Variants in COL4A2 observed in about 807,000 individuals in gnomAD.
COL4A2 encodes the protein collagen alpha-2(IV) chain.
Under a neutral mutation model 200.2 loss-of-function variants are expected in COL4A2, and 99 were observed. The ratio of observed to expected loss-of-function variants is 0.49; its 90% confidence interval spans 0.42 to 0.58. The LOEUF (loss-of-function observed/expected upper bound fraction) is 0.58, where lower values mean the gene tolerates loss of function less well. COL4A2 is among the 20% of genes least tolerant of loss of function. COL4A2 has a pLI of 0.00. For missense variants in COL4A2, 1,950 were observed against 2,314.1 expected (o/e 0.84, Z 3.23); for synonymous variants, 897 against 900.6 (o/e 1.00, Z 0.07).
At chr13:110,375,202 C>T (rs1200977676) in intron 4 of COL4A2, among the ~76,000 whole-genome samples, 2 of 152,196 alleles carry the variant, frequency 1.3e-5, no homozygotes, top group Non-Finnish European at 2.9e-5. Context: ...GCCCTTACAC[C>T]TCTGTCCCAG....
chr13:110,428,846 C>T (rs932891427), intron 7 of COL4A2, among the ~76,000 whole-genome samples: 1 of 152,176 alleles, frequency 6.6e-6, no homozygotes, highest in Admixed American at 6.5e-5. Context: ...AATTCTCATG[C>T]GTAATAGTGG....
chr13:110,469,104 G>C, intron 27 of COL4A2, 113 bp from the exon 28 acceptor site: 2 of 1,219,734 alleles, frequency 1.6e-6, no homozygotes, highest in Non-Finnish European at 2.3e-6. Flanking sequence ...ATTCCCCCCA[G>C]CCTCATCATT....
chr13:110,503,030 T>TGTCGCCTGAATGGGTGACGG, intron 41 of COL4A2, 91 bp from the exon 42 acceptor site: 1 of 1,203,978 alleles, frequency 8.3e-7, no homozygotes. Context: ...TGCCAGAGAC[T>TGTCGCCTGAATGGGTGACGG]GTCGCCTGAA....
At chr13:110,467,742 G>A (rs9521792) in intron 27 of COL4A2, among the ~76,000 whole-genome samples, 89,015 of 152,084 alleles carry the variant, frequency 0.59, 26,828 homozygotes, top group Middle Eastern at 0.74. Flanking sequence ...CCGTGGGCCT[G>A]TGAGCATCGG....
At chr13:110,482,448 C>T (rs987899598) in intron 31 of COL4A2, 68 bp from the exon 32 acceptor site, 179 of 1,508,594 alleles carry the variant, frequency 1.2e-4, no homozygotes, top group Non-Finnish European at 4.1e-5. Context: ...GTTACGGAGA[C>T]GTGAGACTGA....
At chr13:110,465,631 C>G in intron 25 of COL4A2, 25 bp downstream of exon 25, 1 of 1,573,062 alleles carries the variant, frequency 6.4e-7, no homozygotes, top group Non-Finnish European at 8.7e-7. Flanking sequence ...TCCCTTTTAC[C>G]TTTCACAGTC....
intron 20 of COL4A2, among the ~76,000 whole-genome samples, chr13:110,455,960 A>G (rs1881716567): frequency 6.6e-6 from 1 of 152,074 alleles, no homozygotes; most frequent in Non-Finnish European, 1.5e-5. Context: ...TGGCCCTATT[A>G]TTTAACAGTG....
intron 3 of COL4A2, among the ~76,000 whole-genome samples, chr13:110,329,703 G>T (rs932564936): frequency 1.3e-5 from 2 of 152,052 alleles, no homozygotes; most frequent in Admixed American, 1.3e-4. Flanking sequence ...TACTCAAAGG[G>T]TTTGTCCCAA....
chr13:110,389,409 C>T (rs769409879), intron 4 of COL4A2, among the ~76,000 whole-genome samples: 2 of 152,140 alleles, frequency 1.3e-5, no homozygotes, highest in Admixed American at 6.5e-5. Flanking sequence ...TAGAAGTGTG[C>T]GTGTGCGAGA....
intron 3 of COL4A2, among the ~76,000 whole-genome samples, chr13:110,353,275 G>T (rs768599680): frequency 6.6e-6 from 1 of 152,196 alleles, no homozygotes; most frequent in South Asian, 2.1e-4. Flanking sequence ...CTTCATGAAG[G>T]GGGTGAGCAG....
Position 110,424,851 on chromosome 13 carries a change from G to T in COL4A2, c.298G>T (p.Gly100Ter), listed in dbSNP as rs1251400296. 9 of 1,614,144 alleles carry T rather than the reference G, an allele frequency of 5.6e-6. No homozygotes were observed. The highest frequency in any genetic ancestry group is 6.8e-6 in the Non-Finnish European group (8 of 1,180,012). ...TGAAAGGGGAGCCCCCGGAGTAACGGGACCCAAGGGCGACGTGGTACGCAC... is the reference window on the plus strand; with the variant it reads ...TGAAAGGGGAGCCCCCGGAGTAACGTGACCCAAGGGCGACGTGGTACGCAC... Reference protein sequence around the residue: ...KGERGAPGVTGPKGDVGARGV... With the variant: ...KGERGAPGVT The change falls in exon 5 of 48, where the codon GGA becomes TGA. Residue 100 changes from glycine (G) to a stop codon, truncating the protein, a stop_gained. Coordinates refer to ENST00000360467, the MANE Select transcript of COL4A2 (RefSeq NM_001846.4). LOFTEE classifies it high-confidence loss of function.
At chr13:110,493,454 G>A (rs1000947608) in intron 39 of COL4A2, among the ~76,000 whole-genome samples, 172 bp downstream of exon 39, 1 of 152,218 alleles carries the variant, frequency 6.6e-6, no homozygotes, top group Non-Finnish European at 1.5e-5. Context: ...CTGTGGTCCT[G>A]TACGCTGCTA....
At chr13:110,485,112 A>C in intron 33 of COL4A2, 85 bp downstream of exon 33, 1 of 1,242,608 alleles carries the variant, frequency 8.0e-7, no homozygotes, top group Non-Finnish European at 1.1e-6. Flanking sequence ...GTCCCCAGAG[A>C]CGCCCGTGCC....
intron 20 of COL4A2, among the ~76,000 whole-genome samples, chr13:110,454,296 G>C (rs909844333): frequency 6.6e-6 from 1 of 152,130 alleles, no homozygotes; most frequent in Non-Finnish European, 1.5e-5. Flanking sequence ...GAGCAGCAGG[G>C]GGCAGAGGAA....
At chr13:110,335,523 C>T (rs532153422) in intron 3 of COL4A2, among the ~76,000 whole-genome samples, 2 of 152,272 alleles carry the variant, frequency 1.3e-5, no homozygotes, top group Non-Finnish European at 2.9e-5. Flanking sequence ...GCCTCCCCAG[C>T]CACATGGAAC....
chr13:110,506,357 T>A, intron 45 of COL4A2, 58 bp from the exon 46 acceptor site: 1 of 1,537,610 alleles, frequency 6.5e-7, no homozygotes. Context: ...CCACTCTCTC[T>A]CTTTCTCGGG....
intron 4 of COL4A2, among the ~76,000 whole-genome samples, chr13:110,359,506 G>A (rs1877427935): frequency 6.6e-6 from 1 of 152,174 alleles, no homozygotes; most frequent in Non-Finnish European, 1.5e-5. Flanking sequence ...CAAGGCAACT[G>A]GAAACTCTTC....
intron 4 of COL4A2, among the ~76,000 whole-genome samples, chr13:110,381,462 G>A (rs901052744): frequency 3.9e-4 from 59 of 152,228 alleles, no homozygotes; most frequent in Admixed American, 2.0e-3. Flanking sequence ...GGAAATAACA[G>A]TTATTAAACC....
intron 3 of COL4A2, among the ~76,000 whole-genome samples, chr13:110,355,063 G>GTTT (rs1566489368): frequency 6.6e-6 from 1 of 152,244 alleles, no homozygotes; most frequent in Non-Finnish European, 1.5e-5. Context: ...AGAGTGAAAA[G>GTTT]GCTGTGGTAA....
Sources: gnomAD v4.1 joint callset for allele counts (sites outside exome capture counted in the v4.1 genomes callset) on GRCh38, gnomAD v4.1.1 for gene constraint, MANE v1.5 for transcripts, NCBI Gene and HGNC (gene_info 2026-07-23, HGNC 2026-07-21) for gene names.